SEC14L4: variants seen among roughly 807,000 people sequenced by gnomAD.
The protein encoded by SEC14L4 is SEC14-like protein 4.
Under a neutral mutation model 55.1 loss-of-function variants are expected in SEC14L4, and 42 were observed. The observed-to-expected ratio is 0.76, with a 90% CI of 0.60 to 0.99. SEC14L4 has a LOEUF of 0.99. SEC14L4 is among the 50% of genes least tolerant of loss of function. The pLI is 0.00. For missense variants in SEC14L4, 445 were observed against 512.1 expected (o/e 0.87, Z 1.27); for synonymous variants, 206 against 206.8 (o/e 1.00, Z 0.03).
rs373659262 is a variant in SEC14L4 at position 30,494,861 on chromosome 22, C to A, written c.519+5G>T. On this transcript the variant is annotated splice_donor_5th_base_variant and intron_variant, in intron 6 of 11. Transcript: ENST00000255858. ...CACCAGCCCCAAGCCAGCCACCCAC[C>A]TTACCTGCTGGTAGACCTCCACAGC... 52 of 1,609,720 alleles carry A rather than the reference C, an allele frequency of 3.2e-5. No homozygotes were observed. In the African/African-American group the frequency reaches 6.3e-4, roughly 19 times the overall value.
At chr22:30,505,046 C>T (rs1309564279) in intron 1 of SEC14L4, among the ~76,000 whole-genome samples, 2 of 150,972 alleles carry the variant, frequency 1.3e-5, no homozygotes, top group African/African-American at 2.4e-5. Context: ...GCAGGAGAAT[C>T]GCTTGAACTC....
At chr22:30,505,359 G>C (rs1936456266) in intron 1 of SEC14L4, among the ~76,000 whole-genome samples, 199 bp downstream of exon 1, 1 of 152,218 alleles carries the variant, frequency 6.6e-6, no homozygotes, top group Non-Finnish European at 1.5e-5. Context: ...TTCGGCTCCT[G>C]GTCACGCAGA....
chr22:30,492,018 C>T, intron 9 of SEC14L4, 31 bp downstream of exon 9: 2 of 1,613,766 alleles, frequency 1.2e-6, no homozygotes, highest in Non-Finnish European at 1.7e-6. Flanking sequence ...CAGCTTCTCC[C>T]CTCCTTCCCC....
Position 30,490,003 on chromosome 22 carries a change from T to C in SEC14L4, c.*104A>G. ...AGATGAAATGGTGACGTGGGACAAG[T>C]GGCTCTCTGCAGCCACCTCCAGCAC... On this transcript the variant is annotated 3_prime_UTR_variant, in exon 12 of 12. Coordinates refer to ENST00000255858, the MANE Select transcript of SEC14L4 (RefSeq NM_174977.4). The C allele has an allele frequency of 1.3e-6, 2 of 1,565,800 alleles. No homozygotes were observed. The highest frequency in any genetic ancestry group is 2.4e-5 in the East Asian group (1 of 42,250).
intron 7 of SEC14L4, 88 bp downstream of exon 7, chr22:30,494,062 G>T (rs1485070306): frequency 2.0e-6 from 2 of 987,242 alleles, no homozygotes; most frequent in African/African-American, 1.6e-5. Flanking sequence ...AAGGATGGGT[G>T]AAGAAGCCTT....
Position 30,490,188 on chromosome 22 carries a change from A to G in SEC14L4, c.1140T>C (p.Thr380=). 1.2e-6 allele frequency: 2 copies of G among 1,614,160 alleles called. No individual in the cohort carries two copies. Among genetic ancestry groups the G allele is most frequent in the Non-Finnish European group, 1.7e-6 (2 of 1,180,022 alleles). The change falls in exon 12 of 12, where the codon ACT becomes ACC. Residue 380 remains threonine, a synonymous_variant. Transcript: ENST00000255858. ...SRMHAKKLSY[T]VEVLLPDKAS... ...CCTTGTCGGGAAGCAGCACCTCCACAGTGTAGCTGAGCTTCTTGGCATGCA... is the reference window on the plus strand; with the variant it reads ...CCTTGTCGGGAAGCAGCACCTCCACGGTGTAGCTGAGCTTCTTGGCATGCA...
rs757901157 is a variant in SEC14L4 at position 30,499,086 on chromosome 22, A to C, written c.131-3115T>G. Among the ~76,000 whole-genome samples, 4 of 151,352 alleles carry C rather than the reference A, an allele frequency of 2.6e-5. No homozygotes were observed. The East Asian group carries it at 5.8e-4, about 22-fold the overall frequency. On this transcript the variant is annotated intron_variant, in intron 2 of 11. Coordinates refer to ENST00000255858, the MANE Select transcript of SEC14L4 (RefSeq NM_174977.4). ...CTCCTGAGTAGCTGAGACTACAGGC[A>C]CCCGCCACCACGCCCAGCTAATTTT...
chr22:30,502,359 G>C (rs1205101388), intron 2 of SEC14L4, among the ~76,000 whole-genome samples: 1 of 152,124 alleles, frequency 6.6e-6, no homozygotes, highest in Non-Finnish European at 1.5e-5. Flanking sequence ...ACAATGACTG[G>C]CTTGCCACAG....
rs1935962381 is a variant in SEC14L4, at chr22:30,491,731, G to A, written c.923C>T (p.Ala308Val). 1 of 1,613,992 alleles carries A rather than the reference G, an allele frequency of 6.2e-7. No homozygotes were observed. Among genetic ancestry groups the A allele is most frequent in the South Asian group, 1.1e-5 (1 of 91,090 alleles). ...FPGCVLRWQFASDGGDIGFGV... is the reference protein window; with the variant it reads ...FPGCVLRWQFVSDGGDIGFGV... ...AAAGCCGATGTCCCCACCATCTGAAGCAAACTGCCACCTGCAGTGGATAGA... is the reference window on the plus strand; with the variant it reads ...AAAGCCGATGTCCCCACCATCTGAAACAAACTGCCACCTGCAGTGGATAGA... The change falls in exon 11 of 12, where the codon GCT becomes GTT. Residue 308 changes from alanine to valine, a missense_variant. Physicochemically the swap from Ala to Val is moderately conservative, Grantham distance 64. Coordinates refer to ENST00000255858, the MANE Select transcript of SEC14L4 (RefSeq NM_174977.4).
chr22:30,492,619 C>A (rs1936003035), intron 7 of SEC14L4, 62 bp from the exon 8 acceptor site: 1 of 1,284,110 alleles, frequency 7.8e-7, no homozygotes, highest in Non-Finnish European at 1.1e-6. Flanking sequence ...TACAGAGCCA[C>A]AGCCAAGAGC....
rs1366589602 is a variant in SEC14L4, at chr22:30,495,875, T to G, written c.174+53A>C. 18 of 1,595,942 alleles carry G rather than the reference T, an allele frequency of 1.1e-5. No homozygotes were observed. In the South Asian group the frequency reaches 1.9e-4, roughly 17 times the overall value. On this transcript the variant is annotated intron_variant, in intron 3 of 11. Coordinates refer to ENST00000255858, the MANE Select transcript of SEC14L4 (RefSeq NM_174977.4). The stretch of plus-strand genomic sequence containing the variant: ...AGAGTCTCTACCCTTTTGCAGCAAA[T>G]CCCTGGGTCACAGTGCATGGAAGGC...
chr22:30,492,315 G>A (rs765136921), intron 8 of SEC14L4, 159 bp downstream of exon 8: 44 of 1,164,456 alleles, frequency 3.8e-5, no homozygotes, highest in Non-Finnish European at 4.9e-5. Flanking sequence ...CCCAGCCCAC[G>A]GTCTAGGACC....
At chr22:30,493,322 C>G (rs1435991126) in intron 7 of SEC14L4, among the ~76,000 whole-genome samples, 1 of 152,160 alleles carries the variant, frequency 6.6e-6, no homozygotes, top group Non-Finnish European at 1.5e-5. Context: ...GTGGGCCAAG[C>G]TCTGTGCTCC....
At chr22:30,499,146 T>C (rs1936243227) in intron 2 of SEC14L4, among the ~76,000 whole-genome samples, 2 of 152,004 alleles carry the variant, frequency 1.3e-5, no homozygotes, top group East Asian at 3.9e-4. Context: ...GGTTTCACCA[T>C]GTTAGCCAGG....
intron 2 of SEC14L4, among the ~76,000 whole-genome samples, chr22:30,496,949 C>T (rs954552122): frequency 6.6e-6 from 1 of 152,170 alleles, no homozygotes; most frequent in African/African-American, 2.4e-5. Flanking sequence ...TGTCCACTCC[C>T]AGAGCTGAAA....
intron 2 of SEC14L4, among the ~76,000 whole-genome samples, chr22:30,496,574 A>G (rs1420575599): frequency 2.0e-5 from 3 of 151,454 alleles, no homozygotes; most frequent in Non-Finnish European, 1.5e-5. Flanking sequence ...CCCCCCCACC[A>G]CCTGCACAGT....
chr22:30,492,553 T>C lies in SEC14L4; in HGVS notation c.585A>G (p.Pro195=). ...AGTTGAAGGCCACGGGGAACAGTTT[T>C]GGGGCTGAAACACATGTAAATCTCT... The part of the protein sequence containing the change: ...TLKNLIVIRA[P]KLFPVAFNLV... Residue 195 remains proline, a synonymous_variant, in exon 8 of 12, where the codon CCA becomes CCG. Coordinates refer to ENST00000255858, the MANE Select transcript of SEC14L4 (RefSeq NM_174977.4). The C allele has an allele frequency of 6.2e-7, 1 of 1,612,512 alleles. No homozygotes were observed. The highest frequency in any genetic ancestry group is 1.1e-5 in the South Asian group (1 of 91,026).
chr22:30,499,157 A>T (rs1419430368), intron 2 of SEC14L4, among the ~76,000 whole-genome samples: 1 of 151,666 alleles, frequency 6.6e-6, no homozygotes, highest in Non-Finnish European at 1.5e-5. Flanking sequence ...GTTAGCCAGG[A>T]TGGTCTTGAT....
chr22:30,504,946 A>G (rs577837906), intron 1 of SEC14L4, among the ~76,000 whole-genome samples: 2 of 152,248 alleles, frequency 1.3e-5, no homozygotes, highest in Admixed American at 6.5e-5. Context: ...TGCCTGGCCA[A>G]TATGGTGAAA....
Sources: gnomAD v4.1 joint callset for allele counts (sites outside exome capture counted in the v4.1 genomes callset) on GRCh38, gnomAD v4.1.1 for gene constraint, MANE v1.5 for transcripts, NCBI Gene and HGNC (gene_info 2026-07-23, HGNC 2026-07-21) for gene names.